Variants in SIGLEC9 observed in about 807,000 individuals in gnomAD.
SIGLEC9 encodes the protein sialic acid-binding Ig-like lectin 9.
Under a neutral mutation model 38.3 loss-of-function variants are expected in SIGLEC9, and 26 were observed. That is an observed-to-expected ratio of 0.68 (90% confidence interval 0.50 to 0.94). The LOEUF (loss-of-function observed/expected upper bound fraction) is 0.94. Among genes scored for constraint, SIGLEC9 ranks in the 40% least tolerant of loss-of-function variants. The pLI is 0.00. For missense variants in SIGLEC9, 556 were observed against 585.7 expected, an observed-to-expected ratio of 0.95 and a Z score of 0.52; for synonymous variants, 236 against 248.0, an observed-to-expected ratio of 0.95 and a Z score of 0.45.
intron 6 of SIGLEC9, 58 bp from the exon 7 acceptor site, chr19:51,129,833 G>A: frequency 7.8e-7 from 1 of 1,286,754 alleles, no homozygotes; most frequent in South Asian, 1.4e-5. Flanking sequence ...ACAGATGTGA[G>A]CCACCGCGCC....
At chr19:51,130,494 G>A (rs1274011031), downstream of SIGLEC9, among the ~76,000 whole-genome samples, 1 of 152,112 alleles carries the variant, frequency 6.6e-6, no homozygotes, top group Non-Finnish European at 1.5e-5. Context: ...TGATTCTGGT[G>A]GCAACTAGTA....
chr19:51,127,880 A>T (rs1485536179), intron 4 of SIGLEC9, 69 bp from the exon 5 acceptor site: 2 of 884,018 alleles, frequency 2.3e-6, no homozygotes, highest in Non-Finnish European at 3.8e-6. Flanking sequence ...AGGACCCTAC[A>T]GGAAGTGGGA....
chr19:51,125,207 A>G lies in SIGLEC9; in HGVS notation c.233A>G (p.Asn78Ser). ...TDQDAPVATN[N>S]PARAVWEETR... ...CAGGATGCTCCAGTGGCCACAAACAACCCAGCTCGGGCAGTGTGGGAGGAG... is the reference window on the plus strand; with the variant it reads ...CAGGATGCTCCAGTGGCCACAAACAGCCCAGCTCGGGCAGTGTGGGAGGAG... The change falls in exon 1 of 7, where the codon AAC becomes AGC. Residue 78 changes from asparagine (N) to serine (S), a missense_variant. By Grantham distance (46) the Asn-to-Ser change is conservative. Transcript: ENST00000250360. 6.2e-7 allele frequency: 1 copy of G among 1,613,848 alleles called. No individual in the cohort carries two copies. Among genetic ancestry groups the G allele is most frequent in the South Asian group, 1.1e-5 (1 of 91,048 alleles).
intron 5 of SIGLEC9, 147 bp from the exon 6 acceptor site, chr19:51,128,267 C>A: frequency 9.9e-7 from 1 of 1,005,556 alleles, no homozygotes; most frequent in Admixed American, 2.4e-5. Flanking sequence ...CCTCTGTTCT[C>A]AACCTTGGGG....
intron 4 of SIGLEC9, 128 bp from the exon 5 acceptor site, chr19:51,127,821 C>A: frequency 1.6e-6 from 1 of 622,772 alleles, no homozygotes; most frequent in South Asian, 2.1e-5. Context: ...CCTGCTCTCT[C>A]TCATTCCTGT....
intron 5 of SIGLEC9, 150 bp downstream of exon 5, chr19:51,128,189 G>A (rs1391076138): frequency 1.3e-6 from 1 of 792,766 alleles, no homozygotes; most frequent in South Asian, 1.6e-5. Context: ...AGAATTCCAT[G>A]TGGGCCTGTG....
downstream of SIGLEC9, among the ~76,000 whole-genome samples, chr19:51,130,501 A>G (rs10422563): frequency 0.031 from 4,749 of 152,188 alleles, 249 homozygotes; most frequent in African/African-American, 0.11. Flanking sequence ...GGTGGCAACT[A>G]GTACTTATAT....
chr19:51,125,622 C>T lies in SIGLEC9; in HGVS notation c.447C>T (p.Leu149=). 6.2e-7 allele frequency: 1 copy of T among 1,612,234 alleles called. No homozygotes were observed. The highest frequency in any genetic ancestry group is 2.2e-5 in the East Asian group (1 of 44,866). Residue 149 remains leucine (L), a synonymous_variant, in exon 2 of 7, where the codon CTC becomes CTT. Transcript: ENST00000250360. ...VTALTHRPNI[L]IPGTLESGCP... The stretch of plus-strand genomic sequence containing the variant: ...CCTTGACCCACAGGCCCAACATCCT[C>T]ATCCCAGGCACCCTGGAGTCCGGCT...
chr19:51,129,382 G>GGA (rs2092001787), intron 6 of SIGLEC9, among the ~76,000 whole-genome samples: 2 of 151,206 alleles, frequency 1.3e-5, no homozygotes, highest in Non-Finnish European at 2.9e-5. Flanking sequence ...GATGGTCTCA[G>GGA]TCTCCTGACC....
chr19:51,127,392 C>T lies in SIGLEC9; in HGVS notation c.1015+96C>T, dbSNP rs111228113. ...AGCGTGGACCTTCAGAGAGGAGCTCCGCTCTGGTCTGTGCTCAGCTGTGAG... is the reference window on the plus strand; with the variant it reads ...AGCGTGGACCTTCAGAGAGGAGCTCTGCTCTGGTCTGTGCTCAGCTGTGAG... On this transcript the variant is annotated intron_variant, in intron 4 of 6. Transcript: ENST00000250360. 6.5e-4 allele frequency: 874 copies of T among 1,339,954 alleles called. 7 individuals are homozygous for T. The African/African-American group carries it at 0.012, about 18-fold the overall frequency. The allele number at this position is 1,339,954 out of a possible 1,614,324, so 83.0% of individuals were successfully genotyped here. A position where few individuals can be genotyped will look rare whatever the true frequency, so the allele number is the denominator to read the frequency against.
downstream of SIGLEC9, among the ~76,000 whole-genome samples, chr19:51,133,620 A>T (rs2092028408): frequency 6.6e-6 from 1 of 152,058 alleles, no homozygotes; most frequent in Non-Finnish European, 1.5e-5. Flanking sequence ...TGTTAGCGGA[A>T]CAAGTGAAAT....
chr19:51,127,177 C>T lies in SIGLEC9; in HGVS notation c.896C>T (p.Pro299Leu). 6.2e-7 allele frequency: 1 copy of T among 1,614,250 alleles called. No homozygotes were observed. The highest frequency in any genetic ancestry group is 2.2e-5 in the East Asian group (1 of 44,880). Reference protein sequence around the residue: ...WRGLTLCPSQPSNPGVLELPW... With the variant: ...WRGLTLCPSQLSNPGVLELPW... ...GGCCTGACCCTGTGCCCCTCACAGC[C>T]CTCAAACCCGGGGGTGCTGGAGCTG... The change falls in exon 4 of 7, where the codon CCC (proline) becomes CTC (leucine). Residue 299 changes from proline to leucine, a missense_variant. Pro to Leu is a moderately conservative substitution (Grantham distance 98). Coordinates refer to ENST00000250360, the MANE Select transcript of SIGLEC9 (RefSeq NM_014441.3).
At position 51,129,902 on chromosome 19, in the gene SIGLEC9, T is replaced by G. The variant is rs1002308393; in HGVS notation, c.1215T>G (p.Thr405=). 4 of 1,592,108 alleles carry G rather than the reference T, an allele frequency of 2.5e-6. No homozygotes were observed. Among genetic ancestry groups the G allele is most frequent in the Non-Finnish European group, 2.6e-6 (3 of 1,169,988 alleles). Reference sequence around the variant, plus strand: ...CTCCCATGTCTCAGGGGCCCCTGACTGAACCTTGGGCAGAAGACAGTCCCC... The same window carrying G: ...CTCCCATGTCTCAGGGGCCCCTGACGGAACCTTGGGCAGAAGACAGTCCCC... ...VRGSASQGPL[T]EPWAEDSPPD... is the part of the protein sequence containing the mutation. The change falls in exon 7 of 7, where the codon ACT becomes ACG. Residue 405 remains threonine, a synonymous_variant. Coordinates refer to ENST00000250360, the MANE Select transcript of SIGLEC9 (RefSeq NM_014441.3).
At chr19:51,124,257 G>T (rs767916138), upstream of SIGLEC9, among the ~76,000 whole-genome samples, 54 of 152,112 alleles carry the variant, frequency 3.6e-4, no homozygotes, top group Non-Finnish European at 3.1e-4. Context: ...TCCTTGGCGT[G>T]TATCAACACA....
intron 3 of SIGLEC9, 47 bp downstream of exon 3, chr19:51,126,175 G>A (rs1457559350): frequency 1.9e-6 from 3 of 1,559,730 alleles, no homozygotes; most frequent in African/African-American, 1.4e-5. Flanking sequence ...GGGCCTTCAG[G>A]TCAGGATGGG....
rs2092007844 is a variant in SIGLEC9, at chr19:51,130,185, A to G, written c.*106A>G. ...TTAACAGCCCTCAACGTGATGAGCT[A>G]TGATAACACTATGAATTATGTGCAG... On this transcript the variant is annotated 3_prime_UTR_variant, in exon 7 of 7. Coordinates refer to ENST00000250360, the MANE Select transcript of SIGLEC9 (RefSeq NM_014441.3). 1.4e-6 allele frequency: 2 copies of G among 1,470,554 alleles called. No individual in the cohort carries two copies. The highest frequency in any genetic ancestry group is 1.8e-6 in the Non-Finnish European group (2 of 1,113,488). The allele number at this position is 1,470,554 out of a possible 1,614,324, so 91.1% of individuals were successfully genotyped here. A position where few individuals can be genotyped will look rare whatever the true frequency, so the allele number is the denominator to read the frequency against.
upstream of SIGLEC9, among the ~76,000 whole-genome samples, chr19:51,123,218 C>A (rs559250198): frequency 1.3e-5 from 2 of 152,310 alleles, no homozygotes; most frequent in East Asian, 1.9e-4. Context: ...GGTGAGCAGG[C>A]CTGCTCTTTT....
chr19:51,124,470 C>G (rs1382846953), upstream of SIGLEC9, among the ~76,000 whole-genome samples: 4 of 152,134 alleles, frequency 2.6e-5, no homozygotes, highest in Admixed American at 2.6e-4. Flanking sequence ...CTGTGTTGAC[C>G]TCGTTGTGCA....
In SIGLEC9 at chr19:51,125,415, A is replaced by G; in HGVS notation, c.421+20A>G. ...TGACAGGTAAGGCACAGGCTCCAGG[A>G]AAGGCCACAGGGAAAGGTCATGGGG... On this transcript the variant is annotated intron_variant, in intron 1 of 6. Coordinates refer to ENST00000250360, the MANE Select transcript of SIGLEC9 (RefSeq NM_014441.3). The G allele has an allele frequency of 6.4e-7, 1 of 1,566,772 alleles. No individual in the cohort carries two copies.
Sources: gnomAD v4.1 joint callset for allele counts (sites outside exome capture counted in the v4.1 genomes callset) on GRCh38, gnomAD v4.1.1 for gene constraint, MANE v1.5 for transcripts, NCBI Gene and HGNC (gene_info 2026-07-23, HGNC 2026-07-21) for gene names.